Variants in MALL observed in about 807,000 individuals in gnomAD.
MALL encodes mal, T cell differentiation protein like, also known as MAL-like protein.
A neutral mutation model predicts 10.3 loss-of-function variants in MALL; 2 were observed. That is an observed-to-expected ratio of 0.19 (90% confidence interval 0.08 to 0.61). MALL has a LOEUF of 0.61. Among genes scored for constraint, MALL ranks in the 20% least tolerant of loss-of-function variants. The pLI is 0.88. For synonymous variants in MALL, 27 were observed against 51.8 expected (o/e 0.52, Z 2.05); for missense variants, 39 against 115.2 (o/e 0.34, Z 3.03).
At position 110,096,141 on chromosome 2, in the gene MALL, G is replaced by A. The variant is rs566174160; in HGVS notation, c.106-4371C>T. ...ACTCCAAGTCCTGCTACTCCTAGAA[G>A]CCTTTGGGGACTTCAAGAAAGCCCC... On this transcript the variant is annotated intron_variant, in intron 1 of 3. Transcript: ENST00000272462. Among the ~76,000 whole-genome samples, 9 of 152,242 alleles carry A rather than the reference G, an allele frequency of 5.9e-5. No individual in the cohort carries two copies. In the South Asian group the frequency reaches 1.9e-3, roughly 32 times the overall value.
intron 1 of MALL, among the ~76,000 whole-genome samples, chr2:110,110,477 G>A (rs1374486380): frequency 6.6e-6 from 1 of 152,038 alleles, no homozygotes; most frequent in Non-Finnish European, 1.5e-5. Flanking sequence ...AGAGGAGAAG[G>A]ATAAATTCCT....
At chr2:110,107,984 A>G (rs2104391416) in intron 1 of MALL, among the ~76,000 whole-genome samples, 1 of 152,304 alleles carries the variant, frequency 6.6e-6, no homozygotes. Context: ...CCATAGGAAA[A>G]GGGGAAGAAT....
chr2:110,117,587 ATGTG>A (rs3840469), upstream of MALL, among the ~76,000 whole-genome samples: 139 of 105,472 alleles, frequency 1.3e-3, no homozygotes, highest in Middle Eastern at 4.5e-3. Context: ...GACCAAAGCA[ATGTG>A]TGTGTGTGTG....
chr2:110,092,781 C>A (rs1678399852), intron 1 of MALL, among the ~76,000 whole-genome samples: 1 of 121,314 alleles, frequency 8.2e-6, no homozygotes, highest in Non-Finnish European at 1.9e-5. Context: ...TTCTTGCATT[C>A]CAGATTTTCC....
At chr2:110,116,864 G>A (rs903911845), upstream of MALL, among the ~76,000 whole-genome samples, 1 of 152,172 alleles carries the variant, frequency 6.6e-6, no homozygotes, top group Non-Finnish European at 1.5e-5. Context: ...CTGGTGTGGA[G>A]AGCATGTGGG....
At chr2:110,114,330 G>C (rs1335609718) in intron 1 of MALL, among the ~76,000 whole-genome samples, 1 of 151,998 alleles carries the variant, frequency 6.6e-6, no homozygotes, top group Non-Finnish European at 1.5e-5. Context: ...GTCTCTTCCC[G>C]GCAGACAGGA....
intron 1 of MALL, among the ~76,000 whole-genome samples, chr2:110,103,802 G>A (rs1435134466): frequency 2.0e-5 from 3 of 152,176 alleles, no homozygotes; most frequent in Non-Finnish European, 2.9e-5. Context: ...AGGGACGGCT[G>A]CTCATGGTCC....
Position 110,097,080 on chromosome 2 carries a change from AAAAAC to A in MALL, c.106-5315_106-5311del, listed in dbSNP as rs1245677343. 2.3e-5 allele frequency among the ~76,000 whole-genome samples: 3 copies of A among 127,910 alleles called. No homozygotes were observed. The Admixed American group carries it at 2.8e-4, about 12-fold the overall frequency. 83.9% of individuals were successfully genotyped at this position (127,910 alleles called of 152,430 possible). ...CAAAGTGAAACACTCTGCAATCTTC[AAAAAC>A]AAAACAAAACAAAAAAAAAAAAAGA... On this transcript the variant is annotated intron_variant, in intron 1 of 3. Transcript: ENST00000272462.
At chr2:110,110,895 G>A (rs1298054981) in intron 1 of MALL, among the ~76,000 whole-genome samples, 1 of 152,046 alleles carries the variant, frequency 6.6e-6, no homozygotes, top group African/African-American at 2.4e-5. Flanking sequence ...TCATACCAGA[G>A]ATGCAAGGAT....
At chr2:110,114,924 C>T (rs1678875657) in intron 1 of MALL, among the ~76,000 whole-genome samples, 1 of 152,022 alleles carries the variant, frequency 6.6e-6, no homozygotes, top group African/African-American at 2.4e-5. Flanking sequence ...CAGCCAGTTC[C>T]GAGGGAACTT....
intron 1 of MALL, among the ~76,000 whole-genome samples, chr2:110,092,451 TG>T (rs1441329781): frequency 2.0e-5 from 1 of 49,426 alleles, no homozygotes; most frequent in African/African-American, 5.2e-5. Flanking sequence ...TAGGAATTCT[TG>T]CTAATGGTGT....
intron 1 of MALL, among the ~76,000 whole-genome samples, chr2:110,101,995 C>T (rs1355424120): frequency 5.3e-5 from 8 of 152,138 alleles, no homozygotes; most frequent in Admixed American, 4.6e-4. Flanking sequence ...TCCCCACTCT[C>T]CCTGGCCCCC....
intron 1 of MALL, among the ~76,000 whole-genome samples, chr2:110,113,029 C>A (rs779055642): frequency 5.3e-5 from 8 of 151,832 alleles, no homozygotes; most frequent in Non-Finnish European, 7.4e-5. Flanking sequence ...AACCAAACAT[C>A]GTATGTTCTC....
chr2:110,104,762 G>A (rs1008022271), intron 1 of MALL, among the ~76,000 whole-genome samples: 36 of 152,234 alleles, frequency 2.4e-4, no homozygotes, highest in African/African-American at 7.5e-4. Flanking sequence ...TGGAGTGCTC[G>A]TTGCATCTTC....
intron 1 of MALL, among the ~76,000 whole-genome samples, chr2:110,101,181 C>T (rs1678556727): frequency 1.3e-5 from 2 of 152,080 alleles, no homozygotes; most frequent in Non-Finnish European, 1.5e-5. Flanking sequence ...CTTTGTGCTT[C>T]GAATACAGGA....
At chr2:110,100,861 A>G (rs1254236355) in intron 1 of MALL, among the ~76,000 whole-genome samples, 2 of 152,130 alleles carry the variant, frequency 1.3e-5, no homozygotes, top group African/African-American at 4.8e-5. Context: ...TGGTGAGATG[A>G]CAGGCCCGCT....
intron 1 of MALL, among the ~76,000 whole-genome samples, chr2:110,097,920 T>A (rs1678481082): frequency 6.6e-6 from 1 of 152,026 alleles, no homozygotes; most frequent in African/African-American, 2.4e-5. Context: ...CCTAAAAAAC[T>A]TCAGGCTGAG....
At chr2:110,110,502 C>G (rs1174829956) in intron 1 of MALL, among the ~76,000 whole-genome samples, 3 of 151,990 alleles carry the variant, frequency 2.0e-5, no homozygotes, top group African/African-American at 7.2e-5. Context: ...AAATACAACC[C>G]TCCTAGCTTA....
chr2:110,096,143 CT>C (rs745377676), intron 1 of MALL, among the ~76,000 whole-genome samples: 26 of 152,242 alleles, frequency 1.7e-4, no homozygotes, highest in Non-Finnish European at 3.7e-4. Flanking sequence ...TCCTAGAAGC[CT>C]TTGGGGACTT....
Sources: gnomAD v4.1 joint callset for allele counts (sites outside exome capture counted in the v4.1 genomes callset) on GRCh38, gnomAD v4.1.1 for gene constraint, MANE v1.5 for transcripts, NCBI Gene and HGNC (gene_info 2026-07-23, HGNC 2026-07-21) for gene names.